Variants in HEATR5B observed in about 807,000 individuals in gnomAD.
HEATR5B encodes HEAT repeat-containing protein 5B.
In HEATR5B, 156 loss-of-function variants were observed where a neutral mutation model predicts 224.1. The observed-to-expected ratio is 0.70, with a 90% confidence interval of 0.61 to 0.80. HEATR5B has a LOEUF of 0.80. HEATR5B is among the 30% of genes least tolerant of loss of function. The pLI is 0.00. For synonymous variants in HEATR5B, 1,027 were observed against 893.0 expected, an observed-to-expected ratio of 1.15 and a Z score of -2.68; for missense variants, 2,323 against 2,535.5, an observed-to-expected ratio of 0.92 and a Z score of 1.80.
At chr2:36,989,918 T>TTTC (rs1370795505) in intron 34 of HEATR5B, among the ~76,000 whole-genome samples, 1 of 146,508 alleles carries the variant, frequency 6.8e-6, no homozygotes, top group Non-Finnish European at 1.5e-5. Context: ...TTTTTTTTTT[T>TTTC]TTTTTGAGAC....
intron 35 of HEATR5B, among the ~76,000 whole-genome samples, chr2:36,985,645 T>TTC (rs1665904632): frequency 8.4e-6 from 1 of 118,570 alleles, no homozygotes; most frequent in Non-Finnish European, 1.8e-5. Context: ...TTTTTTTTTT[T>TTC]CAGTAGAGAC....
intron 5 of HEATR5B, among the ~76,000 whole-genome samples, chr2:37,075,019 G>A (rs927202741): frequency 6.6e-6 from 1 of 152,210 alleles, no homozygotes; most frequent in Non-Finnish European, 1.5e-5. Context: ...TTTTCTGAAC[G>A]TTAAACTAAA....
intron 12 of HEATR5B, among the ~76,000 whole-genome samples, chr2:37,060,314 T>C (rs552591731): frequency 1.3e-4 from 20 of 152,244 alleles, no homozygotes; most frequent in Non-Finnish European, 2.4e-4. Context: ...ACAGGTAAGA[T>C]AGCAACAAGT....
Position 37,010,922 on chromosome 2 carries a change from C to A in HEATR5B, c.4285-2074G>T, listed in dbSNP as rs1443201444. On this transcript the variant is annotated intron_variant, in intron 27 of 35. Transcript: ENST00000233099. ...TAGGACTGGAAGCAAAAAAAAAAAACAAATAATACATAGTTTTTGCTTTCC... is the reference window on the plus strand; with the variant it reads ...TAGGACTGGAAGCAAAAAAAAAAAAAAAATAATACATAGTTTTTGCTTTCC... Among the ~76,000 whole-genome samples, 73 of 148,718 alleles carry A rather than the reference C, an allele frequency of 4.9e-4. 3 individuals carry two copies. The highest frequency in any genetic ancestry group is 4.4e-3 in the Admixed American group (65 of 14,936).
chr2:37,077,354 G>A (rs1177872558), intron 3 of HEATR5B, among the ~76,000 whole-genome samples: 7 of 151,566 alleles, frequency 4.6e-5, no homozygotes, highest in Non-Finnish European at 1.0e-4. Context: ...TGTCACCCAC[G>A]CTGGAGTGCA....
intron 7 of HEATR5B, among the ~76,000 whole-genome samples, chr2:37,069,303 G>T (rs1243961605): frequency 6.6e-6 from 1 of 152,128 alleles, no homozygotes. Flanking sequence ...GACTTTTTCT[G>T]TAAGTTAAAA....
chr2:37,006,610 C>G (rs1238057988), intron 29 of HEATR5B, among the ~76,000 whole-genome samples: 2 of 152,168 alleles, frequency 1.3e-5, no homozygotes, highest in Admixed American at 6.5e-5. Context: ...CACTGCACTC[C>G]AGCCTGGGCA....
intron 18 of HEATR5B, among the ~76,000 whole-genome samples, chr2:37,045,803 A>C (rs1670155133): frequency 6.6e-6 from 1 of 152,218 alleles, no homozygotes; most frequent in South Asian, 2.1e-4. Context: ...ACTTTCTTCA[A>C]GCAGTAATCT....
intron 33 of HEATR5B, among the ~76,000 whole-genome samples, chr2:36,999,046 C>T (rs1250170561): frequency 6.6e-6 from 1 of 151,948 alleles, no homozygotes; most frequent in Admixed American, 6.6e-5. Flanking sequence ...AACCCCGTCT[C>T]TACTAAAAAT....
intron 18 of HEATR5B, among the ~76,000 whole-genome samples, chr2:37,046,974 T>C (rs1451622842): frequency 4.7e-5 from 6 of 127,922 alleles, no homozygotes; most frequent in African/African-American, 9.4e-5. Context: ...CACTTGAACC[T>C]GGGAGGTGGA....
intron 27 of HEATR5B, among the ~76,000 whole-genome samples, chr2:37,012,993 G>C (rs1244129474): frequency 6.6e-6 from 1 of 152,194 alleles, no homozygotes; most frequent in Admixed American, 6.6e-5. Context: ...CTCAGCAAAC[G>C]TAATATATCT....
chr2:37,034,353 C>T (rs1267734971), intron 21 of HEATR5B, among the ~76,000 whole-genome samples: 1 of 142,752 alleles, frequency 7.0e-6, no homozygotes, highest in African/African-American at 2.5e-5. Context: ...GTGGCTCACG[C>T]CTGTAATCCC....
chr2:36,983,218 C>T (rs1665698854), intron 35 of HEATR5B, among the ~76,000 whole-genome samples: 1 of 151,922 alleles, frequency 6.6e-6, no homozygotes, highest in Non-Finnish European at 1.5e-5. Context: ...GTTCAATTTC[C>T]CTCATGTACA....
chr2:37,060,503 AAT>A lies in HEATR5B; in HGVS notation c.1849+76_1849+77del, dbSNP rs1238678664. ...TACCTAGTAAAATAAAAAACTATAA[AAT>A]AGTGATTTTTCTTTTACTTTACAAA... On this transcript the variant is annotated intron_variant, in intron 12 of 35. Transcript: ENST00000233099. 3.2e-6 allele frequency: 4 copies of A among 1,250,758 alleles called. No individual in the cohort carries two copies. The South Asian group carries it at 5.4e-5, about 17-fold the overall frequency. The allele number at this position is 1,250,758 out of a possible 1,614,324, so 77.5% of individuals were successfully genotyped here. A position where few individuals can be genotyped will look rare whatever the true frequency, so the allele number is the denominator to read the frequency against.
intron 17 of HEATR5B, 55 bp from the exon 18 acceptor site, chr2:37,049,898 A>T (rs1017596234): frequency 8.6e-5 from 94 of 1,093,428 alleles, no homozygotes; most frequent in East Asian, 1.1e-4. Context: ...CATTATTATT[A>T]TTTTTTTTTT....
At chr2:37,018,442 G>A (rs992789101) in intron 26 of HEATR5B, among the ~76,000 whole-genome samples, 3 of 152,102 alleles carry the variant, frequency 2.0e-5, no homozygotes, top group Non-Finnish European at 4.4e-5. Context: ...TTTGCATCAC[G>A]ATCCAGAGAC....
At chr2:37,005,500 T>A (rs1330587192) in intron 30 of HEATR5B, 132 bp downstream of exon 30, 2 of 805,994 alleles carry the variant, frequency 2.5e-6, no homozygotes, top group African/African-American at 3.5e-5. Flanking sequence ...GGTGAATAAA[T>A]ACAGGGAGTC....
At chr2:37,000,032 C>T (rs936306089) in intron 33 of HEATR5B, among the ~76,000 whole-genome samples, 3 of 151,508 alleles carry the variant, frequency 2.0e-5, no homozygotes, top group Non-Finnish European at 2.9e-5. Context: ...AACAAACAAA[C>T]AAAAACCCCA....
intron 21 of HEATR5B, 69 bp downstream of exon 21, chr2:37,037,786 T>C (rs1669594041): frequency 8.2e-7 from 1 of 1,212,844 alleles, no homozygotes; most frequent in Non-Finnish European, 1.1e-6. Context: ...TATGTATCCA[T>C]AAAAAATTTT....
Sources: gnomAD v4.1 joint callset for allele counts (sites outside exome capture counted in the v4.1 genomes callset) on GRCh38, gnomAD v4.1.1 for gene constraint, MANE v1.5 for transcripts, NCBI Gene and HGNC (gene_info 2026-07-23, HGNC 2026-07-21) for gene names.